DRC5: variants seen among roughly 807,000 people sequenced by gnomAD.
The protein encoded by DRC5 is T-complex-associated testis-expressed protein 1.
the DRC5 span, chr6:44,287,528 C>A: frequency 6.3e-7 from 1 of 1,588,542 alleles, no homozygotes; most frequent in South Asian, 1.1e-5. Flanking sequence ...TCCTGCCCAC[C>A]TAAAGCAGGG....
At chr6:44,291,445 CT>C in the DRC5 span, among the ~76,000 whole-genome samples, 3 of 152,252 alleles carry the variant, frequency 2.0e-5, no homozygotes, top group Non-Finnish European at 4.4e-5. Flanking sequence ...TGCTGCCCCG[CT>C]GTCACTGTTA....
At chr6:44,296,300 C>A in the DRC5 span, among the ~76,000 whole-genome samples, 4,654 of 152,302 alleles carry the variant, frequency 0.031, 122 homozygotes, top group Non-Finnish European at 0.043. Context: ...CAGGGTTATA[C>A]CCTTGGTGCT....
the DRC5 span, among the ~76,000 whole-genome samples, chr6:44,297,313 G>A: frequency 6.6e-6 from 1 of 152,184 alleles, no homozygotes; most frequent in Non-Finnish European, 1.5e-5. Context: ...CCAGGGCTTG[G>A]GACCGCTCTC....
the DRC5 span, among the ~76,000 whole-genome samples, chr6:44,294,693 ACC>A: frequency 3.4e-4 from 48 of 142,250 alleles, no homozygotes; most frequent in African/African-American, 1.2e-3. Flanking sequence ...TGAAGGTTGA[ACC>A]CAGGAGGCAG....
the DRC5 span, chr6:44,282,088 A>G: frequency 1.2e-6 from 2 of 1,600,640 alleles, no homozygotes; most frequent in Non-Finnish European, 1.7e-6. Flanking sequence ...CCACCCTCAC[A>G]AGCCCAGAAT....
At chr6:44,286,286 G>A in the DRC5 span, 2 of 1,612,970 alleles carry the variant, frequency 1.2e-6, no homozygotes, top group Non-Finnish European at 8.5e-7. Context: ...GAGGATCACC[G>A]CAGGGTCTGT....
the DRC5 span, among the ~76,000 whole-genome samples, chr6:44,291,192 T>C: frequency 2.8e-4 from 43 of 152,360 alleles, no homozygotes; most frequent in African/African-American, 9.9e-4. Context: ...CCTGATGTCA[T>C]TTTAAGGCAA....
the DRC5 span, chr6:44,287,108 TG>T: frequency 1.2e-6 from 1 of 803,162 alleles, no homozygotes; most frequent in Non-Finnish European, 1.5e-6. Flanking sequence ...GCGCCCCATC[TG>T]GTAGGAGAGG....
chr6:44,289,353 A>G, the DRC5 span, among the ~76,000 whole-genome samples: 1 of 152,162 alleles, frequency 6.6e-6, no homozygotes, highest in Non-Finnish European at 1.5e-5. Context: ...TTAATTTTAT[A>G]TTTAGCCCAG....
chr6:44,290,102 T>A, the DRC5 span, among the ~76,000 whole-genome samples: 1 of 152,162 alleles, frequency 6.6e-6, no homozygotes, highest in Non-Finnish European at 1.5e-5. Context: ...AAATGCAAAT[T>A]CACACACAGA....
At chr6:44,287,862 G>C in the DRC5 span, 1 of 1,596,492 alleles carries the variant, frequency 6.3e-7, no homozygotes, top group Non-Finnish European at 8.5e-7. Flanking sequence ...GTGGCCCCTG[G>C]ATGGCCTTAT....
chr6:44,284,851 T>G, the DRC5 span, among the ~76,000 whole-genome samples: 1 of 152,266 alleles, frequency 6.6e-6, no homozygotes, highest in Non-Finnish European at 1.5e-5. Context: ...GTAATCTGCA[T>G]GTCCACTGCT....
the DRC5 span, among the ~76,000 whole-genome samples, chr6:44,283,034 C>T: frequency 9.9e-5 from 15 of 151,990 alleles, no homozygotes; most frequent in African/African-American, 3.4e-4. Context: ...GATCTCCTGA[C>T]CTCGTGATCC....
At chr6:44,284,686 C>T in the DRC5 span, among the ~76,000 whole-genome samples, 1 of 152,188 alleles carries the variant, frequency 6.6e-6, no homozygotes. Context: ...CTTCCTTCTC[C>T]TTCAGATCCT....
At chr6:44,297,128 C>T in the DRC5 span, among the ~76,000 whole-genome samples, 1 of 152,202 alleles carries the variant, frequency 6.6e-6, no homozygotes, top group African/African-American at 2.4e-5. Context: ...CTCCAAAGGC[C>T]AGGAGTCCCT....
the DRC5 span, among the ~76,000 whole-genome samples, chr6:44,282,724 A>G: frequency 6.0e-5 from 9 of 151,004 alleles, no homozygotes; most frequent in Non-Finnish European, 1.2e-4. Flanking sequence ...GGTGGCAGGT[A>G]GCAGGGAGGA....
At chr6:44,295,090 C>T in the DRC5 span, among the ~76,000 whole-genome samples, 2 of 152,178 alleles carry the variant, frequency 1.3e-5, no homozygotes, top group Non-Finnish European at 1.5e-5. Flanking sequence ...CCTTCCTCTC[C>T]GGAGCTTTCT....
the DRC5 span, among the ~76,000 whole-genome samples, chr6:44,296,184 T>C: frequency 5.9e-5 from 9 of 152,224 alleles, no homozygotes; most frequent in Non-Finnish European, 1.3e-4. Flanking sequence ...CATGAGATGC[T>C]GGGGTTGCTT....
chr6:44,292,546 A>G, the DRC5 span, among the ~76,000 whole-genome samples: 1 of 152,092 alleles, frequency 6.6e-6, no homozygotes, highest in African/African-American at 2.4e-5. Context: ...TTTCTAGCCC[A>G]GTGGTAGGTC....
Sources: allele counts gnomAD v4.1 joint callset (sites outside exome capture counted in the v4.1 genomes callset), GRCh38; gene constraint gnomAD v4.1.1; transcripts MANE v1.5; gene names NCBI Gene and HGNC (gene_info 2026-07-23, HGNC 2026-07-21).